EIF3M: variants seen among roughly 807,000 people sequenced by gnomAD.
EIF3M encodes the protein B5 receptor.
Under a neutral mutation model 49.7 loss-of-function variants are expected in EIF3M, and 25 were observed. The observed-to-expected ratio is 0.50, with a 90% CI of 0.37 to 0.70. The LOEUF is 0.70. EIF3M is among the 30% of genes least tolerant of loss of function. The probability of loss-of-function intolerance (pLI) is 0.00; values close to 1 mark genes in which losing one functional copy is unlikely to be tolerated. For synonymous variants in EIF3M, 156 were observed against 149.8 expected (o/e 1.04, Z -0.30); for missense variants, 350 against 440.0 (o/e 0.80, Z 1.83).
chr11:32,588,753 A>C (rs780860172), intron 3 of EIF3M, 21 bp downstream of exon 3: 4 of 1,611,270 alleles, frequency 2.5e-6, no homozygotes, highest in Non-Finnish European at 3.4e-6. Flanking sequence ...ATCTGAAAGA[A>C]ACTCAGTTTT....
chr11:32,587,471 A>T (rs1457030433), intron 2 of EIF3M, among the ~76,000 whole-genome samples: 1 of 152,230 alleles, frequency 6.6e-6, no homozygotes. Context: ...CAACTATACA[A>T]TACATTGTTA....
At chr11:32,594,063 G>T in intron 6 of EIF3M, 114 bp downstream of exon 6, 2 of 606,048 alleles carry the variant, frequency 3.3e-6, no homozygotes, top group Non-Finnish European at 2.6e-6. Flanking sequence ...AGAGCCATTT[G>T]ATAGTGTGTA....
At chr11:32,586,404 C>T (rs1854998469) in intron 1 of EIF3M, among the ~76,000 whole-genome samples, 1 of 152,144 alleles carries the variant, frequency 6.6e-6, no homozygotes, top group South Asian at 2.1e-4. Context: ...TGCATGCTGA[C>T]TCAGATATGC....
chr11:32,585,842 A>AT (rs33942420), intron 1 of EIF3M, among the ~76,000 whole-genome samples: 1,982 of 150,872 alleles, frequency 0.013, 37 homozygotes, highest in African/African-American at 0.045. Flanking sequence ...ATGGCTTTGA[A>AT]TTTTTTTTTT....
chr11:32,606,136 CT>C lies in EIF3M; in HGVS notation c.*3741del, dbSNP rs1282948711. 2.0e-5 allele frequency: 3 copies of C among 152,182 alleles called. No homozygotes were observed. The highest frequency in any genetic ancestry group is 4.4e-5 in the Non-Finnish European group (3 of 68,034). 9.4% of individuals were successfully genotyped at this position (152,182 alleles called of 1,614,324 possible). A position where few individuals can be genotyped will look rare whatever the true frequency, so the allele number is the denominator to read the frequency against. ...AAAACAAGAATGAAAAACATACCATCTTTTCAAGTTACTTTGGACCCATAGA... is the reference window on the plus strand; with the variant it reads ...AAAACAAGAATGAAAAACATACCATCTTTCAAGTTACTTTGGACCCATAGA... On this transcript the variant is annotated 3_prime_UTR_variant, in exon 11 of 11. Transcript: ENST00000531120.
intron 5 of EIF3M, among the ~76,000 whole-genome samples, chr11:32,591,434 A>G (rs16923433): frequency 0.014 from 2,069 of 152,248 alleles, 52 homozygotes; most frequent in African/African-American, 0.047. Context: ...TTAGTTTTTT[A>G]TTCCTGGTAC....
intron 6 of EIF3M, 170 bp from the exon 7 acceptor site, chr11:32,594,744 A>T (rs1311510208): frequency 2.1e-6 from 1 of 466,576 alleles, no homozygotes. Flanking sequence ...GATGAACCTG[A>T]TAAATGTGTT....
At chr11:32,597,004 AT>A (rs1403657035) in intron 8 of EIF3M, among the ~76,000 whole-genome samples, 1 of 152,184 alleles carries the variant, frequency 6.6e-6, no homozygotes, top group Non-Finnish European at 1.5e-5. Context: ...CTGTACCATG[AT>A]TCTTTGAGGT....
rs772230629 is a variant in EIF3M at position 32,601,826 on chromosome 11, A to G, written c.1004+4A>G. The G allele has an allele frequency of 3.1e-6, 5 of 1,610,894 alleles. No individual in the cohort carries two copies. The highest frequency in any genetic ancestry group is 3.4e-6 in the Non-Finnish European group (4 of 1,178,872). ...CCCAGAGAAAAGTAGTTGTCAGGTA[A>G]GATATTTAATGCTTTGCAGCATTTT... On this transcript the variant is annotated splice_donor_region_variant and intron_variant, in intron 10 of 10. Transcript: ENST00000531120.
At chr11:32,584,607 CA>C (rs796738414) in intron 1 of EIF3M, among the ~76,000 whole-genome samples, 70 of 62,306 alleles carry the variant, frequency 1.1e-3, no homozygotes, top group East Asian at 6.1e-3. Flanking sequence ...GAGTCCCTCT[CA>C]AAAAAAAAAA....
At chr11:32,592,891 G>A (rs1401799199) in intron 5 of EIF3M, 1 of 251,780 alleles carries the variant, frequency 4.0e-6, no homozygotes. Flanking sequence ...TTACAGCCTT[G>A]AATTCCTGGG....
chr11:32,600,352 G>A (rs1855241590), intron 8 of EIF3M, among the ~76,000 whole-genome samples: 1 of 143,304 alleles, frequency 7.0e-6, no homozygotes, highest in Admixed American at 6.7e-5. Flanking sequence ...CTTATGAAAT[G>A]TACTTTGTAG....
intron 8 of EIF3M, among the ~76,000 whole-genome samples, chr11:32,598,321 A>G (rs909133631): frequency 6.6e-6 from 1 of 152,196 alleles, no homozygotes; most frequent in Non-Finnish European, 1.5e-5. Flanking sequence ...TCAATGATGC[A>G]CTTTTTTTAT....
intron 9 of EIF3M, chr11:32,601,534 CTG>C (rs1855264896): frequency 1.2e-5 from 3 of 251,868 alleles, no homozygotes; most frequent in Non-Finnish European, 2.2e-5. Flanking sequence ...CAGCAAAAAA[CTG>C]TATGCAGTAT....
At chr11:32,586,397 A>G (rs552355981) in intron 1 of EIF3M, among the ~76,000 whole-genome samples, 89 of 152,338 alleles carry the variant, frequency 5.8e-4, no homozygotes, top group Non-Finnish European at 1.0e-3. Flanking sequence ...CCGAAGATGC[A>G]TGCTGACTCA....
In EIF3M at chr11:32,593,976, G is replaced by A. The variant is rs553748972; in HGVS notation, c.617+27G>A. On this transcript the variant is annotated intron_variant, in intron 6 of 10. Coordinates refer to ENST00000531120, the MANE Select transcript of EIF3M (RefSeq NM_006360.6). ...TAATGTTAAACGTTACTCTGATGAG[G>A]GTTTGACAGCGATGTAGAGGTAAGC... 27 of 1,421,662 alleles carry A rather than the reference G, an allele frequency of 1.9e-5. 1 individual carries two copies. In the South Asian group the frequency reaches 3.4e-4, roughly 18 times the overall value. The allele number at this position is 1,421,662 out of a possible 1,614,324, so 88.1% of individuals were successfully genotyped here. A position where few individuals can be genotyped will look rare whatever the true frequency, so the allele number is the denominator to read the frequency against.
At chr11:32,586,845 C>G in intron 1 of EIF3M, 167 bp from the exon 2 acceptor site, 1 of 841,588 alleles carries the variant, frequency 1.2e-6, no homozygotes, top group Non-Finnish European at 1.7e-6. Flanking sequence ...AAACCTGTGG[C>G]TCTTGTGGGA....
intron 9 of EIF3M, 64 bp downstream of exon 9, chr11:32,600,896 A>G: frequency 6.6e-7 from 1 of 1,511,968 alleles, no homozygotes; most frequent in South Asian, 1.4e-5. Flanking sequence ...GGATCATAGT[A>G]AGATTTTTAT....
chr11:32,600,866 G>C (rs78916077), intron 9 of EIF3M, 34 bp downstream of exon 9: 21,538 of 1,564,224 alleles, frequency 0.014, 186 homozygotes, highest in Non-Finnish European at 0.015. Flanking sequence ...TTTATTTCTA[G>C]AATTTCTCAT....
Sources: allele counts gnomAD v4.1 joint callset (sites outside exome capture counted in the v4.1 genomes callset), GRCh38; gene constraint gnomAD v4.1.1; transcripts MANE v1.5; gene names NCBI Gene and HGNC (gene_info 2026-07-23, HGNC 2026-07-21).